The following RAB7A variants were observed in gnomAD, a reference collection of about 807,000 sequenced individuals.
The protein encoded by RAB7A is RAB7A, member RAS oncogene family.
RAB7A carries 2 observed loss-of-function variants against 24.5 expected under a neutral mutation model. That is an observed-to-expected ratio of 0.08 (90% CI 0.03 to 0.26). The LOEUF is 0.26. Ranked by LOEUF, RAB7A falls within the 10% of genes least tolerant of loss-of-function variation. The pLI, the probability that RAB7A is intolerant of heterozygous loss-of-function variation, is 1.00. For missense variants in RAB7A, 118 were observed against 255.7 expected (o/e 0.46, Z 3.67); for synonymous variants, 100 against 95.9 (o/e 1.04, Z -0.25).
intron 1 of RAB7A, among the ~76,000 whole-genome samples, chr3:128,791,244 C>T (rs758987873): frequency 6.6e-6 from 1 of 152,004 alleles, no homozygotes; most frequent in Non-Finnish European, 1.5e-5. Flanking sequence ...TGAGTTCAAG[C>T]GATTCTCCTG....
chr3:128,731,145 T>C (rs1576264574), intron 1 of RAB7A, among the ~76,000 whole-genome samples: 1 of 152,214 alleles, frequency 6.6e-6, no homozygotes, highest in East Asian at 1.9e-4. Context: ...AAGTAAATAG[T>C]TACATCATTG....
intron 1 of RAB7A, among the ~76,000 whole-genome samples, chr3:128,766,702 G>T (rs547766594): frequency 2.5e-4 from 38 of 152,002 alleles, no homozygotes; most frequent in African/African-American, 8.7e-4. Flanking sequence ...TGTGTGTTTG[G>T]TTTTTTTCTT....
intron 1 of RAB7A, among the ~76,000 whole-genome samples, chr3:128,765,651 A>G (rs573094866): frequency 5.5e-4 from 84 of 152,148 alleles, no homozygotes; most frequent in African/African-American, 2.0e-3. Flanking sequence ...CACATGGTGG[A>G]AGGGGCGAGG....
chr3:128,788,688 G>A (rs953434455), intron 1 of RAB7A, among the ~76,000 whole-genome samples: 8 of 152,170 alleles, frequency 5.3e-5, no homozygotes, highest in African/African-American at 1.9e-4. Context: ...CTTTCGAATT[G>A]CTAACTGACC....
In RAB7A at chr3:128,814,582, CCCCA is replaced by C. The variant is rs1286204630; in HGVS notation, c.*1165_*1168del. The C allele has an allele frequency of 6.5e-6, 1 of 152,700 alleles. No homozygotes were observed. The highest frequency in any genetic ancestry group is 6.5e-5 in the Admixed American group (1 of 15,304). The allele number at this position is 152,700 out of a possible 1,614,324, so 9.5% of individuals were successfully genotyped here. ...GGTTAGCGGAGCTTTTTCCTCTTTT[CCCCA>C]CCCATCTCCCCAATATTGCCCATTA... On this transcript the variant is annotated 3_prime_UTR_variant, in exon 6 of 6. Transcript: ENST00000265062.
At chr3:128,787,074 C>T (rs1162270575) in intron 1 of RAB7A, among the ~76,000 whole-genome samples, 2 of 152,120 alleles carry the variant, frequency 1.3e-5, no homozygotes, top group Non-Finnish European at 2.9e-5. Context: ...ATGGAATTGT[C>T]AGTAGCTTTT....
chr3:128,772,131 A>T (rs935499618), intron 1 of RAB7A, among the ~76,000 whole-genome samples: 23 of 152,232 alleles, frequency 1.5e-4, no homozygotes, highest in Non-Finnish European at 1.9e-4. Flanking sequence ...ACATGTAGTA[A>T]TGTCAGTAAT....
intron 5 of RAB7A, among the ~76,000 whole-genome samples, chr3:128,811,132 C>CTT (rs1209177395): frequency 1.4e-5 from 2 of 145,110 alleles, no homozygotes; most frequent in East Asian, 2.0e-4. Flanking sequence ...TTGATTGATT[C>CTT]TTTTTTTTTT....
chr3:128,775,367 A>G (rs116387940), intron 1 of RAB7A, among the ~76,000 whole-genome samples: 3 of 152,254 alleles, frequency 2.0e-5, no homozygotes, highest in Non-Finnish European at 4.4e-5. Flanking sequence ...CCCTTCCTCC[A>G]CTAGCAGAGA....
At chr3:128,753,023 A>G (rs1203605708) in intron 1 of RAB7A, among the ~76,000 whole-genome samples, 1 of 152,206 alleles carries the variant, frequency 6.6e-6, no homozygotes, top group African/African-American at 2.4e-5. Context: ...AATTGGGTAC[A>G]TTATTAACAT....
chr3:128,757,050 G>T (rs1045578718), intron 1 of RAB7A, among the ~76,000 whole-genome samples: 5 of 151,938 alleles, frequency 3.3e-5, no homozygotes, highest in Non-Finnish European at 7.4e-5. Flanking sequence ...TTGCCATATT[G>T]CCCAGGCTGG....
intron 1 of RAB7A, among the ~76,000 whole-genome samples, chr3:128,727,112 A>C (rs1426359859): frequency 6.6e-6 from 1 of 152,232 alleles, no homozygotes; most frequent in Non-Finnish European, 1.5e-5. Context: ...CATAAGGGGA[A>C]TATTGAGAAT....
chr3:128,784,244 A>G (rs1933280621), intron 1 of RAB7A, among the ~76,000 whole-genome samples: 1 of 152,222 alleles, frequency 6.6e-6, no homozygotes, highest in South Asian at 2.1e-4. Flanking sequence ...GAAACACGTT[A>G]CTGTTTTTCA....
chr3:128,786,546 G>C (rs555047797), intron 1 of RAB7A, among the ~76,000 whole-genome samples: 5 of 152,200 alleles, frequency 3.3e-5, no homozygotes, highest in Non-Finnish European at 5.9e-5. Context: ...GGAAGAAAAT[G>C]AGATGGACAG....
chr3:128,810,107 C>G (rs1933894157), intron 5 of RAB7A, among the ~76,000 whole-genome samples: 2 of 151,438 alleles, frequency 1.3e-5, no homozygotes, highest in Non-Finnish European at 2.9e-5. Flanking sequence ...CGCCACCATG[C>G]CCAGCTAATT....
Position 128,735,403 on chromosome 3 carries a change from A to T in RAB7A, c.-9+9044A>T, listed in dbSNP as rs569761172. 9.8e-5 allele frequency among the ~76,000 whole-genome samples: 15 copies of T among 152,366 alleles called. No homozygotes were observed. The South Asian group carries it at 3.1e-3, about 32-fold the overall frequency. ...CTTGTTAGAGGATTTAAGTTCAACC[A>T]AGTGGCACTTCACTCTGTAATGCTG... On this transcript the variant is annotated intron_variant, in intron 1 of 5. Coordinates refer to ENST00000265062, the MANE Select transcript of RAB7A (RefSeq NM_004637.6).
At chr3:128,766,892 C>T (rs1213384745) in intron 1 of RAB7A, among the ~76,000 whole-genome samples, 1 of 152,132 alleles carries the variant, frequency 6.6e-6, no homozygotes, top group African/African-American at 2.4e-5. Context: ...TCCAAAATGG[C>T]TGCACCACTT....
intron 1 of RAB7A, among the ~76,000 whole-genome samples, chr3:128,734,040 G>A (rs1289031883): frequency 6.6e-6 from 1 of 152,130 alleles, no homozygotes. Context: ...CACCAGTGTA[G>A]GGGAACCTCA....
intron 1 of RAB7A, chr3:128,748,890 C>G (rs978900067): frequency 5.9e-5 from 9 of 152,160 alleles, no homozygotes; most frequent in African/African-American, 2.2e-4. Context: ...AAGACCTTGT[C>G]ACCATGGTGT....
Sources: gnomAD v4.1 joint callset for allele counts (sites outside exome capture counted in the v4.1 genomes callset) on GRCh38, gnomAD v4.1.1 for gene constraint, MANE v1.5 for transcripts, NCBI Gene and HGNC (gene_info 2026-07-23, HGNC 2026-07-21) for gene names.